The following HEG1 variants were observed in gnomAD, a reference collection of about 807,000 sequenced individuals.
The protein encoded by HEG1 is protein HEG homolog 1.
In HEG1, 56 loss-of-function variants were observed where a neutral mutation model predicts 125.6. The observed-to-expected ratio is 0.45, with a 90% CI of 0.36 to 0.56. The LOEUF (loss-of-function observed/expected upper bound fraction) is 0.56, where lower values mean the gene tolerates loss of function less well. Among genes scored for constraint, HEG1 ranks in the 20% least tolerant of loss-of-function variants. The pLI is 0.00. For synonymous variants in HEG1, 644 were observed against 668.5 expected (o/e 0.96, Z 0.57); for missense variants, 1,523 against 1,670.0 (o/e 0.91, Z 1.53).
rs549078547 is a variant in HEG1 at position 125,036,288 on chromosome 3, T to C, written c.317-6800A>G. Among the ~76,000 whole-genome samples, 4 of 144,384 alleles carry C rather than the reference T, an allele frequency of 2.8e-5. No homozygotes were observed. The East Asian group carries it at 8.2e-4, about 30-fold the overall frequency. The allele number at this position is 144,384 out of a possible 152,430, so 94.7% of individuals were successfully genotyped here. On this transcript the variant is annotated intron_variant, in intron 1 of 16. Coordinates refer to ENST00000311127, the MANE Select transcript of HEG1 (RefSeq NM_020733.2). The stretch of plus-strand genomic sequence containing the variant: ...AGCTTGGAATGATACAAAATTGTCA[T>C]AGAGAGAAATCAGTGAATACTGTCT...
intron 8 of HEG1, among the ~76,000 whole-genome samples, chr3:125,008,529 A>G (rs924361776): frequency 6.6e-6 from 1 of 152,272 alleles, no homozygotes; most frequent in Admixed American, 6.5e-5. Context: ...GGCCAGGCAC[A>G]GTAGCTCACA....
intron 5 of HEG1, among the ~76,000 whole-genome samples, chr3:125,018,608 A>G: frequency 6.6e-6 from 1 of 152,198 alleles, no homozygotes; most frequent in East Asian, 1.9e-4. Flanking sequence ...CGAGAAGGTG[A>G]TATTTTCACC....
intron 3 of HEG1, among the ~76,000 whole-genome samples, chr3:125,022,695 AGAAATAAATAAAT>A (rs1937353228): frequency 2.4e-5 from 1 of 42,004 alleles, no homozygotes. Context: ...AAAAAAAAAA[AGAAATAAATAAAT>A]AAAAAGAAAA....
At chr3:124,975,902 T>A (rs7632390) in intron 15 of HEG1, among the ~76,000 whole-genome samples, 53,721 of 152,162 alleles carry the variant, frequency 0.35, 10,386 homozygotes, top group African/African-American at 0.51. Context: ...TAGAAATATA[T>A]CACATTTTGT....
chr3:125,039,700 G>A (rs1937576686), intron 1 of HEG1, among the ~76,000 whole-genome samples: 1 of 152,110 alleles, frequency 6.6e-6, no homozygotes, highest in Admixed American at 6.6e-5. Flanking sequence ...GGGAAACTGA[G>A]GGTCAGAAAG....
intron 3 of HEG1, among the ~76,000 whole-genome samples, chr3:125,022,486 T>C (rs912194037): frequency 4.0e-5 from 6 of 151,736 alleles, no homozygotes; most frequent in South Asian, 2.1e-4. Flanking sequence ...ACCAGCTATA[T>C]CCAGAACACA....
At chr3:124,991,132 AC>A (rs1344417349) in intron 12 of HEG1, 146 bp from the exon 13 acceptor site, 28 of 640,388 alleles carry the variant, frequency 4.4e-5, no homozygotes, top group Middle Eastern at 4.3e-4. Flanking sequence ...TCACTTAAAT[AC>A]TGTTGCCGGC....
chr3:124,991,202 T>A (rs553633080), intron 12 of HEG1, among the ~76,000 whole-genome samples: 1 of 150,752 alleles, frequency 6.6e-6, no homozygotes, highest in Non-Finnish European at 1.5e-5. Context: ...CAGGCTGGAG[T>A]GCAGTGGTGC....
Position 125,019,489 on chromosome 3 carries a change from A to C in HEG1, c.1361T>G (p.Ile454Ser). 1 of 1,613,972 alleles carries C rather than the reference A, an allele frequency of 6.2e-7. No homozygotes were observed. The highest frequency in any genetic ancestry group is 1.6e-4 in the Middle Eastern group (1 of 6,062). Residue 454 changes from isoleucine to serine, a missense_variant, in exon 5 of 17, where the codon ATC (isoleucine) becomes AGC (serine). Transcript: ENST00000311127. The part of the protein sequence containing the change: ...RSVAPMRGGE[I>S]TAHWLLTNST... The stretch of plus-strand genomic sequence containing the variant: ...GTTGGTCAAGAGCCAGTGTGCAGTG[A>C]TCTCTCCACCTCTCATGGGTGCGAC...
In HEG1 at chr3:124,977,903, C is replaced by T; in HGVS notation, c.3777G>A (p.Gly1259=). 1 of 1,581,148 alleles carries T rather than the reference C, an allele frequency of 6.3e-7. No homozygotes were observed. Among genetic ancestry groups the T allele is most frequent in the Non-Finnish European group, 8.6e-7 (1 of 1,163,510 alleles). The change falls in exon 15 of 17, where the codon GGG becomes GGA. Residue 1259 remains glycine, a synonymous_variant. Transcript: ENST00000311127. The part of the protein sequence containing the change: ...ITVVIAAAGG[G]LLLILGIALI... The stretch of plus-strand genomic sequence containing the variant: ...GTGCGATGCCTAGGATGAGCAGGAG[C>T]CCACCTCCCGCGGCTGCGATCACCA...
At chr3:125,051,347 G>A (rs113454046) in intron 1 of HEG1, among the ~76,000 whole-genome samples, 2,141 of 134,632 alleles carry the variant, frequency 0.016, 64 homozygotes, top group African/African-American at 0.068. Flanking sequence ...GGAGGAAGAC[G>A]AATGATGAGC....
At chr3:124,983,501 ATTT>A (rs542232252) in intron 14 of HEG1, among the ~76,000 whole-genome samples, 1 of 138,446 alleles carries the variant, frequency 7.2e-6, no homozygotes, top group Non-Finnish European at 1.6e-5. Context: ...TGCCTGGCTG[ATTT>A]TTTTTTTTTT....
Position 124,970,754 on chromosome 3 carries a change from C to A in HEG1, c.4044G>T (p.Pro1348=). Residue 1348 remains proline, a synonymous_variant, in exon 17 of 17, where the codon CCG becomes CCT. Coordinates refer to ENST00000311127, the MANE Select transcript of HEG1 (RefSeq NM_020733.2). ...NPELERNGLY[P]AYTGLPGSRH... ...GTGATCCTGGCAGTCCAGTGTAGGC[C>A]GGGTAGAGTCCGTTTCGTTCAAGTT... 6.2e-7 allele frequency: 1 copy of A among 1,610,560 alleles called. No individual in the cohort carries two copies. The highest frequency in any genetic ancestry group is 8.5e-7 in the Non-Finnish European group (1 of 1,178,556).
rs1384098000 is a variant in HEG1, at chr3:124,966,003, A to G, written c.*4649T>C. The G allele has an allele frequency of 6.6e-6, 1 of 152,210 alleles. No individual in the cohort carries two copies. Among genetic ancestry groups the G allele is most frequent in the African/African-American group, 2.4e-5 (1 of 41,450 alleles). 9.4% of individuals were successfully genotyped at this position (152,210 alleles called of 1,614,324 possible). ...GCTTCATTTAACCGTCAATCCACCA[A>G]CACAAACATTAACAAAACTCAGAGC... On this transcript the variant is annotated 3_prime_UTR_variant, in exon 17 of 17. Coordinates refer to ENST00000311127, the MANE Select transcript of HEG1 (RefSeq NM_020733.2).
chr3:124,991,220 G>T (rs1936829476), intron 12 of HEG1, among the ~76,000 whole-genome samples: 1 of 151,522 alleles, frequency 6.6e-6, no homozygotes, highest in Non-Finnish European at 1.5e-5. Context: ...TGCCATCTTG[G>T]CTCACTGCAA....
At chr3:125,026,690 G>A (rs901715409) in intron 3 of HEG1, among the ~76,000 whole-genome samples, 2 of 152,136 alleles carry the variant, frequency 1.3e-5, no homozygotes, top group African/African-American at 2.4e-5. Flanking sequence ...CCCAAGGTAA[G>A]GTCTCTTGTT....
intron 8 of HEG1, among the ~76,000 whole-genome samples, chr3:125,006,913 T>C (rs1282862387): frequency 2.0e-5 from 3 of 152,152 alleles, no homozygotes; most frequent in Admixed American, 6.5e-5. Flanking sequence ...GAAATTCACA[T>C]CGCAGGCCGG....
At chr3:124,995,333 C>T (rs948418050) in intron 12 of HEG1, among the ~76,000 whole-genome samples, 8 of 151,980 alleles carry the variant, frequency 5.3e-5, no homozygotes, top group Non-Finnish European at 1.2e-4. Flanking sequence ...AATCATGATG[C>T]CTGCATGATG....
chr3:125,008,796 C>CA (rs1458147598), intron 8 of HEG1, among the ~76,000 whole-genome samples: 1 of 82,946 alleles, frequency 1.2e-5, no homozygotes, highest in East Asian at 3.5e-4. Flanking sequence ...GACTCCGTCT[C>CA]AAAAAAAACA....
Sources: allele counts gnomAD v4.1 joint callset (sites outside exome capture counted in the v4.1 genomes callset), GRCh38; gene constraint gnomAD v4.1.1; transcripts MANE v1.5; gene names NCBI Gene and HGNC (gene_info 2026-07-23, HGNC 2026-07-21).